The following CTNNA3 variants were observed in gnomAD, a reference collection of about 807,000 sequenced individuals.
The protein encoded by CTNNA3 is catenin alpha-3.
A neutral mutation model predicts 95.7 loss-of-function variants in CTNNA3; 76 were observed. The ratio of observed to expected loss-of-function variants is 0.79; its 90% CI spans 0.66 to 0.96. The LOEUF is 0.96. CTNNA3 is among the 40% of genes least tolerant of loss of function. CTNNA3 has a pLI of 0.00. For missense variants in CTNNA3, 1,191 were observed against 1,089.8 expected (o/e 1.09, Z -1.31); for synonymous variants, 431 against 374.4 (o/e 1.15, Z -1.74).
At chr10:66,470,918 A>G (rs898513175) in intron 11 of CTNNA3, among the ~76,000 whole-genome samples, 1 of 151,944 alleles carries the variant, frequency 6.6e-6, no homozygotes, top group Non-Finnish European at 1.5e-5. Context: ...CTTGTACTGG[A>G]AGAAAAAAGT....
At chr10:66,986,167 T>C (rs1278844881) in intron 7 of CTNNA3, among the ~76,000 whole-genome samples, 1 of 152,198 alleles carries the variant, frequency 6.6e-6, no homozygotes, top group Admixed American at 6.5e-5. Context: ...AACCAGTGCC[T>C]GTATACTTTA....
In CTNNA3 at chr10:66,612,872, C is replaced by T. The variant is rs114831007; in HGVS notation, c.1374+8820G>A. Among the ~76,000 whole-genome samples, 890 of 152,118 alleles carry T rather than the reference C, an allele frequency of 5.9e-3. 10 individuals carry two copies. The highest frequency in any genetic ancestry group is 0.021 in the African/African-American group (868 of 41,498). ...TTTTTCTGTGGGCTCTCCCTGTGTCCCCTGACATGAATCCAATTCTCATGC... is the reference window on the plus strand; with the variant it reads ...TTTTTCTGTGGGCTCTCCCTGTGTCTCCTGACATGAATCCAATTCTCATGC... On this transcript the variant is annotated intron_variant, in intron 10 of 17. Coordinates refer to ENST00000433211, the MANE Select transcript of CTNNA3 (RefSeq NM_013266.4).
chr10:66,578,673 G>A (rs1016273028), intron 10 of CTNNA3, among the ~76,000 whole-genome samples: 1 of 151,876 alleles, frequency 6.6e-6, no homozygotes, highest in Non-Finnish European at 1.5e-5. Flanking sequence ...AACCCTACTT[G>A]ATCACCGTAA....
At chr10:66,436,403 G>A (rs985779282) in intron 11 of CTNNA3, among the ~76,000 whole-genome samples, 1 of 150,892 alleles carries the variant, frequency 6.6e-6, no homozygotes, top group African/African-American at 2.4e-5. Context: ...TCTTCTTGTT[G>A]CATTGATCCC....
intron 13 of CTNNA3, among the ~76,000 whole-genome samples, chr10:66,247,584 C>T (rs2090387647): frequency 1.3e-5 from 2 of 152,086 alleles, no homozygotes; most frequent in African/African-American, 4.8e-5. Context: ...AAAAAAGGAT[C>T]ATAAATGCAG....
chr10:66,282,486 G>A (rs946561413), intron 12 of CTNNA3, among the ~76,000 whole-genome samples: 7 of 151,482 alleles, frequency 4.6e-5, no homozygotes, highest in Admixed American at 2.6e-4. Context: ...AAAAACCCAG[G>A]TGTTTTATCT....
chr10:66,173,603 A>C (rs2085546805), intron 13 of CTNNA3, among the ~76,000 whole-genome samples: 1 of 151,922 alleles, frequency 6.6e-6, no homozygotes, highest in Admixed American at 6.6e-5. Context: ...GGATCACTTG[A>C]GCCTGGGAGG....
At chr10:66,163,209 C>A (rs2084940574) in intron 13 of CTNNA3, among the ~76,000 whole-genome samples, 1 of 152,116 alleles carries the variant, frequency 6.6e-6, no homozygotes, top group Non-Finnish European at 1.5e-5. Context: ...GCACCCTCTC[C>A]CCATTTCTGG....
intron 13 of CTNNA3, among the ~76,000 whole-genome samples, chr10:66,260,293 A>C (rs1009794825): frequency 1.3e-5 from 2 of 152,096 alleles, no homozygotes; most frequent in Admixed American, 6.6e-5. Context: ...AAAGTTAATC[A>C]TCTCTGCCCT....
chr10:66,923,896 C>T (rs533719584), intron 7 of CTNNA3, among the ~76,000 whole-genome samples: 3 of 152,242 alleles, frequency 2.0e-5, no homozygotes, highest in Admixed American at 2.0e-4. Flanking sequence ...CTATTTATTG[C>T]ATGTCTGCAA....
In CTNNA3 at chr10:65,918,830, G is replaced by A. The variant is rs909156196; in HGVS notation, c.*1500C>T. 2.0e-5 allele frequency: 3 copies of A among 151,888 alleles called. No individual in the cohort carries two copies. Among genetic ancestry groups the A allele is most frequent in the Admixed American group, 6.6e-5 (1 of 15,236 alleles). The allele number at this position is 151,888 out of a possible 1,614,324, so 9.4% of individuals were successfully genotyped here. ...TTATGCTTAAGATTCCACACATATC[G>A]TACTGTCAATCTTTATGCTTTTCTA... On this transcript the variant is annotated 3_prime_UTR_variant, in exon 18 of 18. Transcript: ENST00000433211.
chr10:66,815,733 C>A (rs1405039954), intron 7 of CTNNA3, among the ~76,000 whole-genome samples: 1 of 152,100 alleles, frequency 6.6e-6, no homozygotes, highest in Non-Finnish European at 1.5e-5. Context: ...AATTTAAAAA[C>A]TGCCACATAA....
chr10:67,716,429 C>G (rs1841143614), intron 1 of CTNNA3, among the ~76,000 whole-genome samples: 1 of 150,614 alleles, frequency 6.6e-6, no homozygotes, highest in South Asian at 2.1e-4. Context: ...CCCACCAACC[C>G]ATTATCTACA....
chr10:66,904,672 A>G (rs1723659308), intron 7 of CTNNA3, among the ~76,000 whole-genome samples: 1 of 152,196 alleles, frequency 6.6e-6, no homozygotes, highest in South Asian at 2.1e-4. Flanking sequence ...AATTTACAAG[A>G]AAAAAACAAA....
chr10:67,287,913 G>C (rs189319802), intron 5 of CTNNA3, among the ~76,000 whole-genome samples: 45 of 152,272 alleles, frequency 3.0e-4, no homozygotes, highest in South Asian at 1.7e-3. Flanking sequence ...GAGAGTAGAA[G>C]AGCATCTTTG....
chr10:67,005,682 C>CTTTTTTT lies in CTNNA3; in HGVS notation c.1047+174628_1047+174634dup, dbSNP rs11369576. 2.4e-4 allele frequency among the ~76,000 whole-genome samples: 15 copies of CTTTTTTT among 61,980 alleles called. 3 individuals are homozygous for CTTTTTTT. The highest frequency in any genetic ancestry group is 4.1e-4 in the Non-Finnish European group (14 of 34,092). The allele number at this position is 61,980 out of a possible 152,430, so 40.7% of individuals were successfully genotyped here. ...AATGCTTTTGTTTATTTTACTCCAT[C>CTTTTTTT]TTTTTTTTTTTTTTTTTTTTTGAGA... On this transcript the variant is annotated intron_variant, in intron 7 of 17. Coordinates refer to ENST00000433211, the MANE Select transcript of CTNNA3 (RefSeq NM_013266.4).
intron 9 of CTNNA3, among the ~76,000 whole-genome samples, chr10:66,761,643 T>C (rs1032618011): frequency 2.0e-4 from 31 of 152,284 alleles, no homozygotes; most frequent in African/African-American, 7.2e-4. Context: ...TTAATCATAA[T>C]AGCCTTTTTA....
chr10:66,665,825 C>T (rs772029163), intron 9 of CTNNA3, among the ~76,000 whole-genome samples: 1 of 152,070 alleles, frequency 6.6e-6, no homozygotes, highest in South Asian at 2.1e-4. Context: ...TTTCCCTTCA[C>T]CTTTCTAAAC....
At chr10:66,020,669 T>TTTTTC (rs1491466440) in intron 15 of CTNNA3, among the ~76,000 whole-genome samples, 3 of 13,118 alleles carry the variant, frequency 2.3e-4, no homozygotes, top group Non-Finnish European at 4.3e-4. Flanking sequence ...ATGATCTGAA[T>TTTTTC]TTTTTTTTTT....
Sources: allele counts gnomAD v4.1 joint callset (sites outside exome capture counted in the v4.1 genomes callset), GRCh38; gene constraint gnomAD v4.1.1; transcripts MANE v1.5; gene names NCBI Gene and HGNC (gene_info 2026-07-23, HGNC 2026-07-21).